ARHGEF9: variants seen among roughly 807,000 people sequenced by gnomAD.
ARHGEF9 encodes the protein rho guanine nucleotide exchange factor 9.
Under a neutral mutation model 41.3 loss-of-function variants are expected in ARHGEF9, and 2 were observed. The observed-to-expected ratio is 0.05, with a 90% CI of 0.02 to 0.15. The LOEUF (loss-of-function observed/expected upper bound fraction) is 0.15. Ranked by LOEUF, ARHGEF9 falls within the 10% of genes least tolerant of loss-of-function variation. The pLI, the probability that ARHGEF9 is intolerant of heterozygous loss-of-function variation, is 1.00. For synonymous variants in ARHGEF9, 160 were observed against 154.4 expected, an observed-to-expected ratio of 1.04 and a Z score of -0.27; for missense variants, 225 against 424.7, an observed-to-expected ratio of 0.53 and a Z score of 4.13.
chrX:63,701,445 C>T (rs1448492460), intron 3 of ARHGEF9: 1 of 110,838 alleles, frequency 9.0e-6, no homozygotes, highest in Non-Finnish European at 1.9e-5. Context: ...AGATAATGAC[C>T]ATGGTTGTTA....
intron 1 of ARHGEF9, among the ~76,000 whole-genome samples, chrX:63,749,692 G>A (rs1556438545): frequency 3.6e-5 from 4 of 112,292 alleles, no homozygotes; most frequent in African/African-American, 1.3e-4. Flanking sequence ...ACTTCACAAG[G>A]CTGATGTGAT....
chrX:63,761,386 G>A (rs2056030722), intron 1 of ARHGEF9, among the ~76,000 whole-genome samples: 1 of 111,577 alleles, frequency 9.0e-6, no homozygotes, highest in Non-Finnish European at 1.9e-5. Context: ...GTTCATATCT[G>A]TATCCTCAGC....
At chrX:63,747,668 T>C (rs1556435734) in intron 1 of ARHGEF9, among the ~76,000 whole-genome samples, 1 of 112,523 alleles carries the variant, frequency 8.9e-6, no homozygotes, top group East Asian at 2.8e-4. Flanking sequence ...TAGGAATTGT[T>C]GTTACTCTTA....
chrX:63,768,910 C>A (rs1291691937), intron 1 of ARHGEF9, among the ~76,000 whole-genome samples: 2 of 111,693 alleles, frequency 1.8e-5, no homozygotes, highest in South Asian at 3.7e-4. Flanking sequence ...TTGTAAATTG[C>A]CCAGTTTCAG....
At chrX:63,711,288 G>GAAAATTGAA (rs2052915369) in intron 2 of ARHGEF9, among the ~76,000 whole-genome samples, 1 of 111,625 alleles carries the variant, frequency 9.0e-6, no homozygotes, top group Non-Finnish European at 1.9e-5. Context: ...GGTGTCTGCA[G>GAAAATTGAA]AAAATTGAAA....
chrX:63,642,629 G>C (rs1556307482), intron 9 of ARHGEF9: 1 of 111,779 alleles, frequency 8.9e-6, no homozygotes, highest in East Asian at 2.8e-4. Context: ...CAGGCATTCA[G>C]CCTCAATCAA....
At chrX:63,719,071 T>C (rs1339847341) in intron 2 of ARHGEF9, among the ~76,000 whole-genome samples, 5 of 112,074 alleles carry the variant, frequency 4.5e-5, no homozygotes, top group African/African-American at 6.5e-5. Context: ...TTAAGATGGA[T>C]TATGTGAATG....
chrX:63,660,013 C>T lies in ARHGEF9; in HGVS notation c.1078-4276G>A, dbSNP rs1341073723. Among the ~76,000 whole-genome samples the T allele has an allele frequency of 2.0e-4, 22 of 111,619 alleles. No homozygotes were observed. The Admixed American group carries it at 2.1e-3, about 11-fold the overall frequency. ...TCTTAAATAACTTAAAAAAGAACTA[C>T]CTTTTGACCCAGCAATCCCATTATC... On this transcript the variant is annotated intron_variant, in intron 7 of 9. Coordinates refer to ENST00000671741, the MANE Select transcript of ARHGEF9 (RefSeq NM_001353921.2).
intron 1 of ARHGEF9, among the ~76,000 whole-genome samples, chrX:63,776,385 A>G (rs2056293859): frequency 8.9e-6 from 1 of 111,903 alleles, no homozygotes; most frequent in South Asian, 3.8e-4. Flanking sequence ...AGCGATACAC[A>G]ATAAGCAAAT....
At chrX:63,650,640 A>C (rs2048483032) in intron 8 of ARHGEF9, among the ~76,000 whole-genome samples, 1 of 111,186 alleles carries the variant, frequency 9.0e-6, no homozygotes, top group Non-Finnish European at 1.9e-5. Flanking sequence ...ATAGCTAAAA[A>C]AAATATTTGG....
At chrX:63,694,162 A>T (rs1266628776) in intron 4 of ARHGEF9, among the ~76,000 whole-genome samples, 2 of 108,956 alleles carry the variant, frequency 1.8e-5, no homozygotes, top group Non-Finnish European at 3.8e-5. Flanking sequence ...CAGCCTGGGT[A>T]ACGAAGCAAG....
chrX:63,767,152 C>A, intron 1 of ARHGEF9: 1 of 851,673 alleles, frequency 1.2e-6, no homozygotes, highest in Non-Finnish European at 1.7e-6. Context: ...AAGCAGCTGA[C>A]AGAAATGCCA....
chrX:63,745,738 C>T (rs2055231790), intron 1 of ARHGEF9, among the ~76,000 whole-genome samples: 1 of 111,459 alleles, frequency 9.0e-6, no homozygotes, highest in African/African-American at 3.3e-5. Context: ...ATCCTGGCCA[C>T]TTAAATGAAA....
At chrX:63,755,824 C>A (rs1382936786) in intron 1 of ARHGEF9, 2 of 750,975 alleles carry the variant, frequency 2.7e-6, no homozygotes, top group Admixed American at 8.7e-5. Context: ...CCTGATACCA[C>A]TGCCCTTACC....
chrX:63,779,240 AATTTACTGT>A (rs1556460676), intron 1 of ARHGEF9, among the ~76,000 whole-genome samples: 8 of 111,981 alleles, frequency 7.1e-5, no homozygotes. Flanking sequence ...TACTGGTACC[AATTTACTGT>A]ATTAGTCCAT....
At chrX:63,731,629 G>A (rs781819245) in intron 1 of ARHGEF9, among the ~76,000 whole-genome samples, 3 of 102,582 alleles carry the variant, frequency 2.9e-5, no homozygotes, top group Admixed American at 2.2e-4. Flanking sequence ...GTGCAATCTC[G>A]GTTCACTGCA....
At chrX:63,673,068 A>G (rs1569457753) in intron 6 of ARHGEF9, among the ~76,000 whole-genome samples, 1 of 112,181 alleles carries the variant, frequency 8.9e-6, no homozygotes, top group Middle Eastern at 4.6e-3. Context: ...TTTTTCAGCA[A>G]TCTACATTAA....
chrX:63,655,669 G>T lies in ARHGEF9; in HGVS notation c.1146C>A (p.Asp382Glu). 1 of 1,210,764 alleles carries T rather than the reference G, an allele frequency of 8.3e-7. No homozygotes were observed. The highest frequency in any genetic ancestry group is 1.1e-6 in the Non-Finnish European group (1 of 895,010). The change falls in exon 8 of 10, where the codon GAC becomes GAA. Residue 382 changes from aspartate (D) to glutamate (E), a missense_variant. Asp to Glu is a conservative substitution (Grantham distance 45). Coordinates refer to ENST00000671741, the MANE Select transcript of ARHGEF9 (RefSeq NM_001353921.2). ...AGTCATCATCTCTGCCATCCTCAAT[G>T]TCAACTACCTCATATTTATCCATGT... ...RIDMDKYEVV[D>E]IEDGRDDDFN...
In ARHGEF9 at chrX:63,635,055, C is replaced by A; in HGVS notation, c.*2973G>T. The A allele has an allele frequency of 3.4e-6, 1 of 291,785 alleles. No individual in the cohort carries two copies. The highest frequency in any genetic ancestry group is 5.9e-6 in the Non-Finnish European group (1 of 169,024). 24.0% of individuals were successfully genotyped at this position (291,785 alleles called of 1,213,427 possible). On this transcript the variant is annotated 3_prime_UTR_variant, in exon 10 of 10. Transcript: ENST00000671741. ...ATTTTTTTTGTTAAACATTTTTTAA[C>A]ACACAACTTTGACACTTGTTTGACA...
Sources: allele counts gnomAD v4.1 joint callset (sites outside exome capture counted in the v4.1 genomes callset), GRCh38; gene constraint gnomAD v4.1.1; transcripts MANE v1.5; gene names NCBI Gene and HGNC (gene_info 2026-07-23, HGNC 2026-07-21).